Variants in ZZEF1 observed in about 807,000 individuals in gnomAD.
ZZEF1 encodes the protein zinc finger ZZ-type and EF-hand domain-containing protein 1.
A neutral mutation model predicts 342.8 loss-of-function variants in ZZEF1; 157 were observed. The ratio of observed to expected loss-of-function variants is 0.46; its 90% CI spans 0.40 to 0.52. ZZEF1 has a LOEUF of 0.52. Among genes scored for constraint, ZZEF1 ranks in the 20% least tolerant of loss-of-function variants. The pLI is 0.00. For synonymous variants in ZZEF1, 1,505 were observed against 1,429.1 expected, an observed-to-expected ratio of 1.05 and a Z score of -1.20; for missense variants, 3,480 against 3,725.6, an observed-to-expected ratio of 0.93 and a Z score of 1.72.
chr17:4,037,663 G>A (rs2056703599), intron 39 of ZZEF1, among the ~76,000 whole-genome samples: 2 of 152,184 alleles, frequency 1.3e-5, no homozygotes, highest in African/African-American at 2.4e-5. Context: ...GGCTCCCTAT[G>A]ACTTCGACCT....
At chr17:4,087,253 A>G (rs181737832) in intron 14 of ZZEF1, among the ~76,000 whole-genome samples, 181 bp downstream of exon 14, 15 of 152,260 alleles carry the variant, frequency 9.9e-5, no homozygotes, top group African/African-American at 3.6e-4. Context: ...CCTGCTTACT[A>G]CTGCCTAAAT....
chr17:4,094,253 C>T (rs1190468060), intron 11 of ZZEF1, among the ~76,000 whole-genome samples: 1 of 152,086 alleles, frequency 6.6e-6, no homozygotes, highest in Non-Finnish European at 1.5e-5. Context: ...GGGATCCTCC[C>T]GCCTCAGTCT....
rs1272796040 is a variant in ZZEF1, at chr17:4,105,626, A to C, written c.1394+67T>G. ...GTTAAAAGATTAATATATATTTTTT[A>C]AAGACTTAACAAGCATACGTGCACT... On this transcript the variant is annotated intron_variant, in intron 7 of 54. Transcript: ENST00000381638. 9.6e-5 allele frequency: 113 copies of C among 1,182,930 alleles called. 1 individual carries two copies. The East Asian group carries it at 2.7e-3, about 29-fold the overall frequency. The allele number at this position is 1,182,930 out of a possible 1,614,324, so 73.3% of individuals were successfully genotyped here. A position where few individuals can be genotyped will look rare whatever the true frequency, so the allele number is the denominator to read the frequency against.
chr17:4,027,618 GAGAC>G (rs1180411948), intron 42 of ZZEF1, among the ~76,000 whole-genome samples: 1 of 96,650 alleles, frequency 1.0e-5, no homozygotes, highest in Non-Finnish European at 2.0e-5. Context: ...TTTTTTTAAA[GAGAC>G]AGGCTCCTGC....
In ZZEF1 at chr17:4,064,531, G is replaced by A; in HGVS notation, c.4548C>T (p.Pro1516=). ...GGCGGGTGGGTGTGGAAGGTGACAAGGGCTCTTCAGCTGTGGCAGGGGACA... is the reference window on the plus strand; with the variant it reads ...GGCGGGTGGGTGTGGAAGGTGACAAAGGCTCTTCAGCTGTGGCAGGGGACA... ...ADVSPATAEE[P]LSPSTPTRRP... The change falls in exon 29 of 55, where the codon CCC becomes CCT. Residue 1516 remains proline (P), a synonymous_variant. Transcript: ENST00000381638. 2 of 1,614,210 alleles carry A rather than the reference G, an allele frequency of 1.2e-6. No homozygotes were observed. The highest frequency in any genetic ancestry group is 1.7e-5 in the Admixed American group (1 of 60,032).
At chr17:4,108,775 A>C (rs2058250847) in intron 6 of ZZEF1, among the ~76,000 whole-genome samples, 1 of 152,254 alleles carries the variant, frequency 6.6e-6, no homozygotes, top group Admixed American at 6.5e-5. Flanking sequence ...GTATGAAATA[A>C]TTTAGTGAGA....
At chr17:4,141,011 C>T (rs1369302243) in intron 1 of ZZEF1, among the ~76,000 whole-genome samples, 1 of 151,680 alleles carries the variant, frequency 6.6e-6, no homozygotes, top group African/African-American at 2.4e-5. Flanking sequence ...TGGGTTCAAG[C>T]GGTTGTCCCA....
chr17:4,102,114 A>C (rs2058137284), intron 9 of ZZEF1, among the ~76,000 whole-genome samples: 1 of 152,176 alleles, frequency 6.6e-6, no homozygotes, highest in South Asian at 2.1e-4. Context: ...TCAGGCTCTC[A>C]AATACTTCTG....
chr17:4,138,432 AT>A (rs1423337924), intron 1 of ZZEF1, among the ~76,000 whole-genome samples: 3 of 152,238 alleles, frequency 2.0e-5, no homozygotes, highest in Non-Finnish European at 4.4e-5. Context: ...CAAAAATCAT[AT>A]TTAACCGTTT....
chr17:4,120,162 G>A (rs1272953808), intron 2 of ZZEF1, among the ~76,000 whole-genome samples: 2 of 152,084 alleles, frequency 1.3e-5, no homozygotes, highest in Non-Finnish European at 2.9e-5. Context: ...TCCAAGAGCA[G>A]CCTGGCCAAC....
chr17:4,094,334 G>C (rs950258057), intron 11 of ZZEF1, among the ~76,000 whole-genome samples: 1 of 151,330 alleles, frequency 6.6e-6, no homozygotes, highest in Non-Finnish European at 1.5e-5. Flanking sequence ...TTTTTTTTTA[G>C]AGATGGGGGT....
At chr17:4,039,526 G>T (rs2056752748) in intron 39 of ZZEF1, among the ~76,000 whole-genome samples, 1 of 152,038 alleles carries the variant, frequency 6.6e-6, no homozygotes, top group African/African-American at 2.4e-5. Flanking sequence ...ATGCAAATGG[G>T]GCAGACACAG....
intron 1 of ZZEF1, among the ~76,000 whole-genome samples, chr17:4,136,441 C>G (rs2058750855): frequency 2.6e-5 from 4 of 151,956 alleles, no homozygotes. Context: ...ACTTATTGAG[C>G]ACTGAGCAGG....
intron 35 of ZZEF1, among the ~76,000 whole-genome samples, 167 bp from the exon 36 acceptor site, chr17:4,051,210 A>T (rs2057039356): frequency 6.6e-6 from 1 of 152,166 alleles, no homozygotes; most frequent in African/African-American, 2.4e-5. Flanking sequence ...CTCTCCAGAA[A>T]AATGAAGAAA....
Position 4,074,315 on chromosome 17 carries a change from G to C in ZZEF1, c.3520C>G (p.Leu1174Val). 1 of 1,614,148 alleles carries C rather than the reference G, an allele frequency of 6.2e-7. No individual in the cohort carries two copies. Among genetic ancestry groups the C allele is most frequent in the Non-Finnish European group, 8.5e-7 (1 of 1,180,042 alleles). ...TTGTGACTGCTGTCAGAGTGAAAGAGGAACTGCAACCGAGGACCGGCCTTG... is the reference window on the plus strand; with the variant it reads ...TTGTGACTGCTGTCAGAGTGAAAGACGAACTGCAACCGAGGACCGGCCTTG... ...TFKAGPRLQF[L>V]FHSDSSHNEW... Residue 1174 changes from leucine (L) to valine (V), a missense_variant, in exon 24 of 55, where the codon CTC becomes GTC. Physicochemically the swap from Leu to Val is conservative, Grantham distance 32. This residue lies in a region of ZZEF1 where 1,528 missense variants were observed against 1,624.1 expected (regional missense o/e 0.94). Coordinates refer to ENST00000381638, the MANE Select transcript of ZZEF1 (RefSeq NM_015113.4).
chr17:4,047,907 C>G (rs905510279), intron 37 of ZZEF1, among the ~76,000 whole-genome samples: 3 of 151,516 alleles, frequency 2.0e-5, no homozygotes, highest in African/African-American at 7.3e-5. Context: ...TACCACTGCA[C>G]TCCAGCCTGG....
intron 9 of ZZEF1, among the ~76,000 whole-genome samples, chr17:4,100,655 G>T (rs1269062410): frequency 2.6e-5 from 4 of 152,130 alleles, no homozygotes; most frequent in Non-Finnish European, 5.9e-5. Flanking sequence ...CTAACGTGGT[G>T]AAACCCCGTC....
In ZZEF1 at chr17:4,116,833, G is replaced by A. The variant is rs2058401869; in HGVS notation, c.694+139C>T. Reference sequence around the variant, plus strand: ...TAAGAAGAAAGGGAATGAGGAGAAAGATCACATTCTTACGTTACAAACTCA... The same window carrying A: ...TAAGAAGAAAGGGAATGAGGAGAAAAATCACATTCTTACGTTACAAACTCA... On this transcript the variant is annotated intron_variant, in intron 3 of 54. Coordinates refer to ENST00000381638, the MANE Select transcript of ZZEF1 (RefSeq NM_015113.4). 5 of 870,932 alleles carry A rather than the reference G, an allele frequency of 5.7e-6. 1 individual carries two copies. The highest frequency in any genetic ancestry group is 5.7e-5 in the South Asian group (3 of 52,672). 54.0% of individuals were successfully genotyped at this position (870,932 alleles called of 1,614,324 possible).
rs112690569 is a variant in ZZEF1 at position 4,064,435 on chromosome 17, G to A, written c.4644C>T (p.Pro1548=). 2.5e-6 allele frequency: 4 copies of A among 1,613,936 alleles called. No homozygotes were observed. The highest frequency in any genetic ancestry group is 2.2e-5 in the East Asian group (1 of 44,886). The change falls in exon 29 of 55, where the codon CCC becomes CCT. Residue 1548 remains proline (P), a synonymous_variant. Coordinates refer to ENST00000381638, the MANE Select transcript of ZZEF1 (RefSeq NM_015113.4). ...FRSMEEARLV[P]TVKEKYPVLK... is the part of the protein sequence containing the mutation. ...GCACAGGGTATTTCTCTTTCACTGTGGGCACCAGTCTGGCCTCCTCCATGG... is the reference window on the plus strand; with the variant it reads ...GCACAGGGTATTTCTCTTTCACTGTAGGCACCAGTCTGGCCTCCTCCATGG...
Sources: allele counts gnomAD v4.1 joint callset (sites outside exome capture counted in the v4.1 genomes callset), GRCh38; gene constraint gnomAD v4.1.1; regional missense constraint gnomAD v4.1.1; transcripts MANE v1.5; gene names NCBI Gene and HGNC (gene_info 2026-07-23, HGNC 2026-07-21).